Variants in CAMK1D observed in about 807,000 individuals in gnomAD.
CAMK1D encodes calcium/calmodulin dependent protein kinase ID.
In CAMK1D, 9 loss-of-function variants were observed where a neutral mutation model predicts 47.7. The ratio of observed to expected loss-of-function variants is 0.19; its 90% confidence interval spans 0.11 to 0.33. CAMK1D has a LOEUF of 0.33. CAMK1D is among the 10% of genes least tolerant of loss of function. CAMK1D has a pLI of 1.00. For missense variants in CAMK1D, 291 were observed against 488.7 expected (o/e 0.60, Z 3.81); for synonymous variants, 184 against 184.9 (o/e 0.99, Z 0.04).
chr10:12,748,392 G>T (rs1185975307), intron 3 of CAMK1D, among the ~76,000 whole-genome samples: 1 of 152,230 alleles, frequency 6.6e-6, no homozygotes, highest in African/African-American at 2.4e-5. Context: ...ACTCTGGCTG[G>T]AGGGATGCCG....
In CAMK1D at chr10:12,554,369, G is replaced by A. The variant is rs1401703867; in HGVS notation, c.224+1013G>A. Among the ~76,000 whole-genome samples, 7 of 130,874 alleles carry A rather than the reference G, an allele frequency of 5.3e-5. 1 individual carries two copies. The highest frequency in any genetic ancestry group is 1.8e-4 in the African/African-American group (7 of 39,264). 85.9% of individuals were successfully genotyped at this position (130,874 alleles called of 152,430 possible). ...GAGGTTTCTCCATGTTGGCCAGGCT[G>A]GTCTTGAACTCCTGACCTCAGGTGA... On this transcript the variant is annotated intron_variant, in intron 2 of 10. Transcript: ENST00000619168.
intron 3 of CAMK1D, among the ~76,000 whole-genome samples, chr10:12,708,075 C>A (rs898850179): frequency 6.6e-6 from 1 of 152,168 alleles, no homozygotes; most frequent in Non-Finnish European, 1.5e-5. Flanking sequence ...GTTTAACCTT[C>A]GCTCTCTAAA....
chr10:12,672,559 C>T (rs1433242025), intron 3 of CAMK1D, among the ~76,000 whole-genome samples: 1 of 151,406 alleles, frequency 6.6e-6, no homozygotes, highest in African/African-American at 2.4e-5. Flanking sequence ...TTCGTAGAGA[C>T]AGGGTTTCAC....
intron 8 of CAMK1D, among the ~76,000 whole-genome samples, chr10:12,819,464 C>T (rs17152304): frequency 1.3e-5 from 2 of 152,224 alleles, no homozygotes; most frequent in African/African-American, 2.4e-5. Context: ...TAAGTCCTGG[C>T]TTCACCACTC....
intron 3 of CAMK1D, among the ~76,000 whole-genome samples, chr10:12,757,820 A>G (rs1836301544): frequency 6.7e-6 from 1 of 149,140 alleles, no homozygotes; most frequent in Non-Finnish European, 1.5e-5. Flanking sequence ...TTCTTCTTAC[A>G]GGGACACTGA....
chr10:12,547,673 TTCTC>T (rs1296013771), intron 1 of CAMK1D, among the ~76,000 whole-genome samples: 2 of 117,710 alleles, frequency 1.7e-5, no homozygotes, highest in Non-Finnish European at 3.3e-5. Flanking sequence ...CTCTCTCTCT[TTCTC>T]TCTCTCACAC....
chr10:12,583,140 A>G (rs1344614989), intron 2 of CAMK1D, among the ~76,000 whole-genome samples: 1 of 152,116 alleles, frequency 6.6e-6, no homozygotes, highest in East Asian at 1.9e-4. Context: ...TTATCAGGGG[A>G]AGATTATCTA....
intron 3 of CAMK1D, among the ~76,000 whole-genome samples, chr10:12,677,545 G>A (rs993463303): frequency 1.3e-5 from 2 of 152,126 alleles, no homozygotes; most frequent in Non-Finnish European, 2.9e-5. Flanking sequence ...ACAGTGCAGG[G>A]CACTCTGGGA....
At chr10:12,392,586 G>A (rs969852787) in intron 1 of CAMK1D, among the ~76,000 whole-genome samples, 4 of 152,022 alleles carry the variant, frequency 2.6e-5, no homozygotes, top group African/African-American at 9.7e-5. Flanking sequence ...TTGGAAATAC[G>A]TATACACTGT....
intron 1 of CAMK1D, among the ~76,000 whole-genome samples, chr10:12,379,543 A>G (rs1838280458): frequency 6.6e-6 from 1 of 152,064 alleles, no homozygotes; most frequent in African/African-American, 2.4e-5. Context: ...AACTGAGGTC[A>G]GGAGTTCCAG....
chr10:12,392,017 A>ACACACACACAC (rs34312096), intron 1 of CAMK1D, among the ~76,000 whole-genome samples: 16 of 147,320 alleles, frequency 1.1e-4, no homozygotes, highest in African/African-American at 3.7e-4. Context: ...ACACACACAC[A>ACACACACACAC]AACAGTCTGG....
intron 6 of CAMK1D, among the ~76,000 whole-genome samples, chr10:12,792,555 C>G (rs1838021384): frequency 6.6e-6 from 1 of 152,222 alleles, no homozygotes; most frequent in African/African-American, 2.4e-5. Flanking sequence ...GTGGCATCCT[C>G]TTCTCCTCCA....
intron 1 of CAMK1D, among the ~76,000 whole-genome samples, chr10:12,454,936 A>G (rs1833197362): frequency 6.6e-6 from 1 of 152,196 alleles, no homozygotes; most frequent in Non-Finnish European, 1.5e-5. Context: ...CCAAATTCAC[A>G]TAAGATCCCT....
chr10:12,790,599 TCACA>T (rs930380463), intron 5 of CAMK1D, among the ~76,000 whole-genome samples: 2 of 128,800 alleles, frequency 1.6e-5, no homozygotes, highest in Admixed American at 8.4e-5. Flanking sequence ...ATCTCACATC[TCACA>T]CACACACACG....
chr10:12,605,914 C>A (rs1353225331), intron 2 of CAMK1D, among the ~76,000 whole-genome samples: 2 of 152,138 alleles, frequency 1.3e-5, no homozygotes, highest in Non-Finnish European at 2.9e-5. Flanking sequence ...GTGCCAGCAG[C>A]TGCTCAGATG....
At chr10:12,574,056 C>A (rs1305605542) in intron 2 of CAMK1D, among the ~76,000 whole-genome samples, 3 of 152,032 alleles carry the variant, frequency 2.0e-5, no homozygotes, top group African/African-American at 7.2e-5. Context: ...TCACCAACCC[C>A]TTTAGGACTT....
At chr10:12,483,355 C>T (rs187534369) in intron 1 of CAMK1D, among the ~76,000 whole-genome samples, 3 of 152,066 alleles carry the variant, frequency 2.0e-5, no homozygotes, top group African/African-American at 7.2e-5. Context: ...TGTGCACCAC[C>T]ACGCCTGGCT....
chr10:12,660,383 A>G (rs920568885), intron 2 of CAMK1D, among the ~76,000 whole-genome samples: 6 of 152,246 alleles, frequency 3.9e-5, no homozygotes, highest in African/African-American at 1.4e-4. Flanking sequence ...ACGTGTAGTC[A>G]GTAGCAGGCT....
chr10:12,514,971 C>T (rs976211565), intron 1 of CAMK1D, among the ~76,000 whole-genome samples: 29 of 152,164 alleles, frequency 1.9e-4, no homozygotes, highest in African/African-American at 6.8e-4. Flanking sequence ...CTGCCTCAGC[C>T]TCCTGACTAG....
Sources: gnomAD v4.1 joint callset for allele counts (sites outside exome capture counted in the v4.1 genomes callset) on GRCh38, gnomAD v4.1.1 for gene constraint, MANE v1.5 for transcripts, NCBI Gene and HGNC (gene_info 2026-07-23, HGNC 2026-07-21) for gene names.